HOMER2: variants seen among roughly 807,000 people sequenced by gnomAD.
The protein encoded by HOMER2 is homer protein homolog 2.
HOMER2 carries 27 observed loss-of-function variants against 47.0 expected under a neutral mutation model. The observed-to-expected ratio is 0.57, with a 90% CI of 0.42 to 0.79. The LOEUF (loss-of-function observed/expected upper bound fraction) is 0.79. Among genes scored for constraint, HOMER2 ranks in the 30% least tolerant of loss-of-function variants. HOMER2 has a pLI of 0.00. For synonymous variants in HOMER2, 161 were observed against 163.8 expected (o/e 0.98, Z 0.13); for missense variants, 443 against 435.0 (o/e 1.02, Z -0.16).
At chr15:82,882,852 G>T (rs1249277062) in intron 2 of HOMER2, among the ~76,000 whole-genome samples, 5 of 81,792 alleles carry the variant, frequency 6.1e-5, no homozygotes, top group Admixed American at 4.9e-4. Flanking sequence ...TGCTCAAAAT[G>T]AGCTGAGTCC....
At chr15:82,869,316 TTC>T (rs1438430098) in intron 3 of HOMER2, among the ~76,000 whole-genome samples, 1 of 152,226 alleles carries the variant, frequency 6.6e-6, no homozygotes, top group Non-Finnish European at 1.5e-5. Context: ...TCTGATATTT[TTC>T]TGTCTGTATA....
intron 1 of HOMER2, chr15:82,926,603 A>C (rs184710417): frequency 6.6e-6 from 1 of 152,262 alleles, no homozygotes; most frequent in Non-Finnish European, 1.5e-5. Flanking sequence ...CAGGAGAATC[A>C]CTTGAGCCCA....
At chr15:82,898,326 C>A (rs1453939430) in intron 1 of HOMER2, 2 of 152,210 alleles carry the variant, frequency 1.3e-5, no homozygotes, top group Non-Finnish European at 2.9e-5. Flanking sequence ...TCAGAACTTT[C>A]CAACCTGCGT....
chr15:82,892,602 G>A, intron 2 of HOMER2, 83 bp downstream of exon 2: 2 of 1,044,540 alleles, frequency 1.9e-6, no homozygotes, highest in Admixed American at 5.0e-5. Flanking sequence ...AATAACTTAT[G>A]TGTTAAGACG....
chr15:82,983,783 G>A (rs1435334190), intron 1 of HOMER2, among the ~76,000 whole-genome samples: 1 of 151,608 alleles, frequency 6.6e-6, no homozygotes, highest in East Asian at 2.0e-4. Flanking sequence ...GTAGAGACAG[G>A]ATTTCACCAT....
intron 1 of HOMER2, among the ~76,000 whole-genome samples, chr15:82,975,659 CACA>C (rs957802131): frequency 2.6e-4 from 39 of 152,122 alleles, no homozygotes; most frequent in African/African-American, 9.4e-4. Flanking sequence ...ATCTAAAAAT[CACA>C]ACAATTGAAC....
intron 2 of HOMER2, 128 bp downstream of exon 2, chr15:82,892,557 A>C (rs2052745401): frequency 2.8e-6 from 2 of 708,402 alleles, no homozygotes; most frequent in Non-Finnish European, 4.3e-6. Flanking sequence ...GTTTAAATGC[A>C]AAAAGAACAG....
At chr15:82,970,991 G>A (rs552884838) in intron 1 of HOMER2, among the ~76,000 whole-genome samples, 3 of 152,294 alleles carry the variant, frequency 2.0e-5, no homozygotes, top group African/African-American at 7.2e-5. Context: ...CATAGTCCAT[G>A]GCCCCTGGTA....
intron 1 of HOMER2, among the ~76,000 whole-genome samples, chr15:82,964,622 C>T (rs764343662): frequency 3.3e-5 from 5 of 152,026 alleles, no homozygotes; most frequent in East Asian, 3.9e-4. Flanking sequence ...GAAAATTAAC[C>T]GGGCGCAGTG....
downstream of HOMER2, among the ~76,000 whole-genome samples, chr15:82,847,671 C>T (rs1443830876): frequency 6.6e-6 from 1 of 152,228 alleles, no homozygotes; most frequent in Non-Finnish European, 1.5e-5. Flanking sequence ...GTCAGTCAAG[C>T]GGGCTCTTTC....
At chr15:82,890,951 A>C (rs1305666787) in intron 2 of HOMER2, among the ~76,000 whole-genome samples, 1 of 152,136 alleles carries the variant, frequency 6.6e-6, no homozygotes, top group Non-Finnish European at 1.5e-5. Context: ...GAAAAAAATA[A>C]AGGCACCTTT....
intron 1 of HOMER2, among the ~76,000 whole-genome samples, chr15:82,902,892 C>T (rs1242522586): frequency 6.6e-6 from 1 of 152,168 alleles, no homozygotes; most frequent in African/African-American, 2.4e-5. Flanking sequence ...TATTCTGTTA[C>T]AAAGCATTCA....
rs146324104 is a variant in HOMER2 at position 82,850,703 on chromosome 15, G to A, written c.843+448C>T. ...ATCAGAGGACCTGCAGGGAAGAGGC[G>A]CTCCGAGGTGGAGGAAGCCCTGAAA... On this transcript the variant is annotated intron_variant, in intron 8 of 8. Coordinates refer to ENST00000450735, the MANE Select transcript of HOMER2 (RefSeq NM_004839.4). Among the ~76,000 whole-genome samples the A allele has an allele frequency of 9.5e-4, 145 of 152,300 alleles. 1 individual carries two copies. The highest frequency in any genetic ancestry group is 4.8e-3 in the East Asian group (25 of 5,172).
chr15:82,943,376 G>A (rs189742431), intron 1 of HOMER2, among the ~76,000 whole-genome samples: 8 of 152,216 alleles, frequency 5.3e-5, no homozygotes, highest in African/African-American at 1.2e-4. Flanking sequence ...CTGAGTCTAC[G>A]CTCAGTCCAC....
chr15:82,901,317 G>A (rs1359099703), intron 1 of HOMER2, among the ~76,000 whole-genome samples: 1 of 152,174 alleles, frequency 6.6e-6, no homozygotes, highest in African/African-American at 2.4e-5. Flanking sequence ...TGCAGAGGAG[G>A]AGGTAAGGCT....
upstream of HOMER2, chr15:82,986,116 A>T (rs2030593050): frequency 1.0e-6 from 1 of 985,472 alleles, no homozygotes; most frequent in African/African-American, 1.7e-5. Context: ...GCATTTGAAG[A>T]AGCGATCTGT....
chr15:82,915,615 C>T (rs1382340396), intron 1 of HOMER2, among the ~76,000 whole-genome samples: 1 of 152,152 alleles, frequency 6.6e-6, no homozygotes, highest in Middle Eastern at 3.2e-3. Context: ...GGGAGGCTAA[C>T]GTGGGAGGAT....
intron 1 of HOMER2, among the ~76,000 whole-genome samples, chr15:82,935,805 ACCTT>A (rs2054128582): frequency 6.6e-6 from 1 of 152,066 alleles, no homozygotes; most frequent in Non-Finnish European, 1.5e-5. Flanking sequence ...CTCCTCTGTG[ACCTT>A]CTCAGCCTCA....
chr15:82,965,615 C>T (rs1317044527), intron 1 of HOMER2, among the ~76,000 whole-genome samples: 1 of 152,076 alleles, frequency 6.6e-6, no homozygotes, highest in Non-Finnish European at 1.5e-5. Flanking sequence ...AGACGTGTTA[C>T]CTAACTTCCC....
Sources: allele counts gnomAD v4.1 joint callset (sites outside exome capture counted in the v4.1 genomes callset), GRCh38; gene constraint gnomAD v4.1.1; transcripts MANE v1.5; gene names NCBI Gene and HGNC (gene_info 2026-07-23, HGNC 2026-07-21).